CLCN3: variants seen among roughly 807,000 people sequenced by gnomAD.
The protein encoded by CLCN3 is H(+)/Cl(-) exchange transporter 3.
A neutral mutation model predicts 83.4 loss-of-function variants in CLCN3; 16 were observed. The ratio of observed to expected loss-of-function variants is 0.19; its 90% CI spans 0.13 to 0.29. The LOEUF (loss-of-function observed/expected upper bound fraction) is 0.29, where lower values mean the gene tolerates loss of function less well. Among genes scored for constraint, CLCN3 ranks in the 10% least tolerant of loss-of-function variants. CLCN3 has a pLI of 1.00. For missense variants in CLCN3, 544 were observed against 1,006.0 expected (o/e 0.54, Z 6.21); for synonymous variants, 322 against 346.2 (o/e 0.93, Z 0.78).
At chr4:169,662,091 G>C (rs1186413480) in intron 2 of CLCN3, among the ~76,000 whole-genome samples, 1 of 152,122 alleles carries the variant, frequency 6.6e-6, no homozygotes, top group African/African-American at 2.4e-5. Flanking sequence ...GACTGTCTTA[G>C]TGTAAAATAT....
intron 1 of CLCN3, among the ~76,000 whole-genome samples, chr4:169,632,225 C>G (rs529222468): frequency 6.6e-6 from 1 of 152,174 alleles, no homozygotes; most frequent in African/African-American, 2.4e-5. Context: ...GCAACAAAGG[C>G]CTTGGGGCAG....
intron 6 of CLCN3, 74 bp from the exon 7 acceptor site, chr4:169,692,040 A>G (rs1732393900): frequency 2.0e-6 from 2 of 1,009,734 alleles, no homozygotes; most frequent in African/African-American, 1.6e-5. Context: ...GCATAAAACA[A>G]GAAAATAACT....
intron 2 of CLCN3, chr4:169,660,581 G>A: frequency 1.9e-6 from 1 of 518,664 alleles, no homozygotes; most frequent in Non-Finnish European, 3.0e-6. Flanking sequence ...TGGGTTGTTA[G>A]TAAGGGGAAA....
chr4:169,626,819 A>G (rs1297054757), intron 1 of CLCN3, among the ~76,000 whole-genome samples: 1 of 152,210 alleles, frequency 6.6e-6, no homozygotes, highest in Non-Finnish European at 1.5e-5. Flanking sequence ...CTCTACTTAT[A>G]TAAAATTAAA....
chr4:169,674,725 C>G (rs540954447), intron 2 of CLCN3, among the ~76,000 whole-genome samples: 1 of 152,088 alleles, frequency 6.6e-6, no homozygotes, highest in African/African-American at 2.4e-5. Flanking sequence ...GTGCCACTCT[C>G]CTTTTAGAAG....
At chr4:169,632,815 G>A (rs901436482) in intron 1 of CLCN3, among the ~76,000 whole-genome samples, 3 of 151,750 alleles carry the variant, frequency 2.0e-5, no homozygotes, top group Admixed American at 2.0e-4. Flanking sequence ...TTTCTTAAGG[G>A]TAGCAGGAAA....
At chr4:169,668,387 C>T (rs886602040) in intron 2 of CLCN3, among the ~76,000 whole-genome samples, 1 of 152,120 alleles carries the variant, frequency 6.6e-6, no homozygotes, top group Non-Finnish European at 1.5e-5. Context: ...TGTTTTTCTA[C>T]TATCTGTCAA....
chr4:169,690,486 G>T (rs745807569), intron 5 of CLCN3, 44 bp from the exon 6 acceptor site: 3 of 1,585,182 alleles, frequency 1.9e-6, no homozygotes, highest in African/African-American at 2.7e-5. Context: ...CATTAGAGGT[G>T]CAATGTAAAT....
intron 12 of CLCN3, among the ~76,000 whole-genome samples, chr4:169,718,255 C>CT (rs74320481): frequency 0.024 from 3,331 of 140,950 alleles, 51 homozygotes; most frequent in Non-Finnish European, 0.03. Context: ...CCCGCAAGCC[C>CT]TTTTTTTTTT....
intron 3 of CLCN3, among the ~76,000 whole-genome samples, chr4:169,686,986 TA>T (rs1381028451): frequency 6.6e-6 from 1 of 152,208 alleles, no homozygotes; most frequent in Non-Finnish European, 1.5e-5. Context: ...ACCTGCATAT[TA>T]AAAGGCCTAT....
At position 169,639,704 on chromosome 4, in the gene CLCN3, C is replaced by T. The variant is rs561030540; in HGVS notation, c.160+3616C>T. On this transcript the variant is annotated intron_variant, in intron 2 of 12. Transcript: ENST00000513761. ...TTAGGTCTCTCACTATGGGTTAAGG[C>T]AGATTTCAGAGGAAAAAACTTATTT... Among the ~76,000 whole-genome samples the T allele has an allele frequency of 9.2e-5, 14 of 152,240 alleles. No homozygotes were observed. In the East Asian group the frequency reaches 2.1e-3, roughly 23 times the overall value.
At chr4:169,623,486 A>G (rs1244073002) in intron 1 of CLCN3, among the ~76,000 whole-genome samples, 1 of 152,256 alleles carries the variant, frequency 6.6e-6, no homozygotes, top group Non-Finnish European at 1.5e-5. Context: ...TAACACGTCC[A>G]TCATATCACC....
chr4:169,687,815 C>A, intron 4 of CLCN3, 58 bp downstream of exon 4: 2 of 851,958 alleles, frequency 2.3e-6, no homozygotes, highest in Non-Finnish European at 3.6e-6. Flanking sequence ...AACTGTTCTT[C>A]CCTCCTTCCC....
At chr4:169,700,045 G>A (rs1732719844) in intron 9 of CLCN3, among the ~76,000 whole-genome samples, 2 of 152,168 alleles carry the variant, frequency 1.3e-5, no homozygotes, top group African/African-American at 4.8e-5. Flanking sequence ...TGAACTACAA[G>A]AAGCTGGAGG....
intron 3 of CLCN3, among the ~76,000 whole-genome samples, chr4:169,681,339 C>T (rs768857893): frequency 2.9e-4 from 44 of 152,180 alleles, no homozygotes; most frequent in Non-Finnish European, 5.4e-4. Flanking sequence ...AAATAAAATT[C>T]CAAATCTCAA....
At chr4:169,666,123 A>G (rs999226120) in intron 2 of CLCN3, among the ~76,000 whole-genome samples, 1 of 152,144 alleles carries the variant, frequency 6.6e-6, no homozygotes, top group Non-Finnish European at 1.5e-5. Context: ...AAGTTTTAAC[A>G]TGTTGATCAT....
chr4:169,622,522 T>C (rs1003592831), intron 1 of CLCN3, among the ~76,000 whole-genome samples: 4 of 152,218 alleles, frequency 2.6e-5, no homozygotes, highest in Non-Finnish European at 4.4e-5. Flanking sequence ...TAGTCAAACT[T>C]GTCAGCAGTG....
rs185459311 is a variant in CLCN3, at chr4:169,679,835, C to T, written c.161-215C>T. On this transcript the variant is annotated intron_variant, in intron 2 of 12. Transcript: ENST00000513761. ...GGGAGGTTGCAGTGAGCTGAGATCGCGGCAGTACAGTCCAGCCTTGGCAAC... is the reference window on the plus strand; with the variant it reads ...GGGAGGTTGCAGTGAGCTGAGATCGTGGCAGTACAGTCCAGCCTTGGCAAC... Among the ~76,000 whole-genome samples, 611 of 152,180 alleles carry T rather than the reference C, an allele frequency of 4.0e-3. 6 individuals carry two copies. Among genetic ancestry groups the T allele is most frequent in the African/African-American group, 0.012 (516 of 41,512 alleles).
chr4:169,722,934 G>A lies in CLCN3; in HGVS notation c.*2937G>A, dbSNP rs1209833891. The A allele has an allele frequency of 1.3e-5, 2 of 152,188 alleles. No homozygotes were observed. Among genetic ancestry groups the A allele is most frequent in the African/African-American group, 2.4e-5 (1 of 41,440 alleles). The allele number at this position is 152,188 out of a possible 1,614,324, so 9.4% of individuals were successfully genotyped here. A position where few individuals can be genotyped will look rare whatever the true frequency, so the allele number is the denominator to read the frequency against. On this transcript the variant is annotated 3_prime_UTR_variant, in exon 13 of 13. Coordinates refer to ENST00000513761, the MANE Select transcript of CLCN3 (RefSeq NM_001829.4). Reference sequence around the variant, plus strand: ...AAATTAATTTACCAATATAATAAGTGTAGCGCCTTGTTTGAATACCCTTTT... The same window carrying A: ...AAATTAATTTACCAATATAATAAGTATAGCGCCTTGTTTGAATACCCTTTT...
Sources: gnomAD v4.1 joint callset for allele counts (sites outside exome capture counted in the v4.1 genomes callset) on GRCh38, gnomAD v4.1.1 for gene constraint, MANE v1.5 for transcripts, NCBI Gene and HGNC (gene_info 2026-07-23, HGNC 2026-07-21) for gene names.